The following TLN2 variants were observed in gnomAD, a reference collection of about 807,000 sequenced individuals.
TLN2 encodes the protein talin-2.
In TLN2, 118 loss-of-function variants were observed where a neutral mutation model predicts 294.7. The ratio of observed to expected loss-of-function variants is 0.40; its 90% CI spans 0.34 to 0.47. The LOEUF is 0.47. Ranked by LOEUF, TLN2 falls within the 20% of genes least tolerant of loss-of-function variation. TLN2 has a pLI of 0.84. For synonymous variants in TLN2, 1,431 were observed against 1,304.5 expected, an observed-to-expected ratio of 1.10 and a Z score of -2.09; for missense variants, 3,083 against 3,282.2, an observed-to-expected ratio of 0.94 and a Z score of 1.48.
chr15:62,725,179 G>A, intron 27 of TLN2, 75 bp downstream of exon 27: 3 of 1,512,046 alleles, frequency 2.0e-6, no homozygotes, highest in Non-Finnish European at 2.7e-6. Flanking sequence ...TTGTTAGGGT[G>A]TTTGCTAAAG....
chr15:62,477,450 A>G (rs946699440), intron 1 of TLN2, among the ~76,000 whole-genome samples: 7 of 152,000 alleles, frequency 4.6e-5, no homozygotes, highest in African/African-American at 1.7e-4. Context: ...GCTGCAGGAG[A>G]CTGAGTGGTC....
intron 52 of TLN2, among the ~76,000 whole-genome samples, chr15:62,813,155 C>T (rs1236837199): frequency 1.3e-5 from 2 of 152,332 alleles, no homozygotes; most frequent in East Asian, 3.9e-4. Flanking sequence ...ACGTGCTTCT[C>T]TGGTGACCAT....
chr15:62,462,777 C>T (rs189734171), intron 1 of TLN2, among the ~76,000 whole-genome samples: 151 of 152,294 alleles, frequency 9.9e-4, no homozygotes, highest in Non-Finnish European at 1.8e-3. Flanking sequence ...GGGAATGAGA[C>T]CCACATGCAG....
chr15:62,652,274 G>T, intron 6 of TLN2, 140 bp downstream of exon 6: 1 of 898,030 alleles, frequency 1.1e-6, no homozygotes, highest in South Asian at 4.9e-5. Flanking sequence ...CCCAGAGGGT[G>T]TGTCCATTCT....
rs1327929586 is a variant in TLN2 at position 62,716,953 on chromosome 15, TA to T, written c.2763+499del. Reference sequence around the variant, plus strand: ...GCAAAAACTATGTTTTTTTTTTTTTTAAAAAGTTTGTCTGACAAATGCACAC... The same window carrying T: ...GCAAAAACTATGTTTTTTTTTTTTTTAAAAGTTTGTCTGACAAATGCACAC... On this transcript the variant is annotated intron_variant, in intron 23 of 58. Coordinates refer to ENST00000636159, the MANE Select transcript of TLN2 (RefSeq NM_015059.3). Among the ~76,000 whole-genome samples, 72 of 124,424 alleles carry T rather than the reference TA, an allele frequency of 5.8e-4. 1 individual carries two copies. The highest frequency in any genetic ancestry group is 2.6e-3 in the East Asian group (10 of 3,826). The allele number at this position is 124,424 out of a possible 152,430, so 81.6% of individuals were successfully genotyped here. A position where few individuals can be genotyped will look rare whatever the true frequency, so the allele number is the denominator to read the frequency against.
At chr15:62,700,911 G>T (rs2058677693) in intron 16 of TLN2, among the ~76,000 whole-genome samples, 195 bp from the exon 17 acceptor site, 1 of 152,194 alleles carries the variant, frequency 6.6e-6, no homozygotes, top group African/African-American at 2.4e-5. Context: ...GGGAGAATTT[G>T]CACGCCATTG....
At chr15:62,577,234 G>A (rs1320444184) in intron 1 of TLN2, among the ~76,000 whole-genome samples, 2 of 152,064 alleles carry the variant, frequency 1.3e-5, no homozygotes, top group African/African-American at 4.8e-5. Context: ...ACCTGAGGTC[G>A]GGCATTCGAG....
chr15:62,424,681 C>A (rs2034600743), intron 1 of TLN2, among the ~76,000 whole-genome samples: 1 of 152,080 alleles, frequency 6.6e-6, no homozygotes, highest in African/African-American at 2.4e-5. Flanking sequence ...GAGATAGAGT[C>A]TTTCTCTGTC....
At position 62,702,281 on chromosome 15, in the gene TLN2, C is replaced by T. The variant is rs114168296; in HGVS notation, c.1905+81C>T. 5.5e-3 allele frequency: 7,952 copies of T among 1,433,308 alleles called. 73 individuals carry two copies. Among genetic ancestry groups the T allele is most frequent in the African/African-American group, 0.041 (2,895 of 70,658 alleles). The allele number at this position is 1,433,308 out of a possible 1,614,324, so 88.8% of individuals were successfully genotyped here. The stretch of plus-strand genomic sequence containing the variant: ...GGGGGACCATGGGGCTCTTGCTTCC[C>T]GAGCTGTTCCTTGCGTCTTGATGGG... On this transcript the variant is annotated intron_variant, in intron 18 of 58. Coordinates refer to ENST00000636159, the MANE Select transcript of TLN2 (RefSeq NM_015059.3).
In TLN2 at chr15:62,504,818, G is replaced by GGTGTGTGTGTGTGTGT. The variant is rs377405417; in HGVS notation, c.-237-84855_-237-84840dup. Among the ~76,000 whole-genome samples the GGTGTGTGTGTGTGTGT allele has an allele frequency of 3.6e-4, 51 of 143,618 alleles. No homozygotes were observed. The East Asian group carries it at 3.6e-3, about 10-fold the overall frequency. 94.2% of individuals were successfully genotyped at this position (143,618 alleles called of 152,430 possible). A position where few individuals can be genotyped will look rare whatever the true frequency, so the allele number is the denominator to read the frequency against. ...AAGGGTAACAGAAAGTAGTTGGTGG[G>GGTGTGTGTGTGTGTGT]GTGTGTGTGTGTGTGTGTGTGTGTG... On this transcript the variant is annotated intron_variant, in intron 1 of 58. Transcript: ENST00000636159.
chr15:62,702,802 G>A lies in TLN2; in HGVS notation c.1942G>A (p.Gly648Arg). 1 of 1,614,164 alleles carries A rather than the reference G, an allele frequency of 6.2e-7. No homozygotes were observed. The highest frequency in any genetic ancestry group is 8.5e-7 in the Non-Finnish European group (1 of 1,180,018). Reference sequence around the variant, plus strand: ...AGTTTTGACTGCTGCTGGCAGCATCGGACAAGCCAGTGGGGATCTTCTGAG... The same window carrying A: ...AGTTTTGACTGCTGCTGGCAGCATCAGACAAGCCAGTGGGGATCTTCTGAG... ...QTVLTAAGSIGQASGDLLRQI... is the reference protein window; with the variant it reads ...QTVLTAAGSIRQASGDLLRQI... Residue 648 changes from glycine to arginine, a missense_variant, in exon 19 of 59, where the codon GGA (glycine) becomes AGA (arginine). Physicochemically the swap from Gly to Arg is moderately radical, Grantham distance 125 (BLOSUM62 -2). Coordinates refer to ENST00000636159, the MANE Select transcript of TLN2 (RefSeq NM_015059.3).
chr15:62,667,571 C>G (rs888142066), intron 9 of TLN2, among the ~76,000 whole-genome samples: 2 of 152,170 alleles, frequency 1.3e-5, no homozygotes, highest in African/African-American at 4.8e-5. Context: ...GTTTTCAATT[C>G]GTATGAGCGA....
intron 1 of TLN2, among the ~76,000 whole-genome samples, chr15:62,545,514 TTGTGTGTGTGTGTGTGTG>T (rs56777565): frequency 0.015 from 2,161 of 146,028 alleles, 58 homozygotes; most frequent in African/African-American, 0.051. Flanking sequence ...TTCTTTCTCT[TTGTGTGTGTGTGTGTGTG>T]TGTGTGTGTG....
At chr15:62,756,302 G>A (rs1298932482) in intron 37 of TLN2, among the ~76,000 whole-genome samples, 4 of 152,246 alleles carry the variant, frequency 2.6e-5, no homozygotes, top group Middle Eastern at 3.4e-3. Flanking sequence ...GGCATGTGGC[G>A]GGTGGGCAGG....
intron 41 of TLN2, among the ~76,000 whole-genome samples, chr15:62,766,695 T>A (rs1301007318): frequency 6.6e-6 from 1 of 152,192 alleles, no homozygotes; most frequent in East Asian, 1.9e-4. Context: ...GCATTTACAG[T>A]CATCCGTTGC....
At chr15:62,821,473 T>G (rs1182027839) in intron 54 of TLN2, among the ~76,000 whole-genome samples, 2 of 152,196 alleles carry the variant, frequency 1.3e-5, no homozygotes, top group Non-Finnish European at 2.9e-5. Flanking sequence ...CCTAAAAATT[T>G]ACCTATTTTT....
At chr15:62,702,641 C>G (rs2058786527) in intron 18 of TLN2, 125 bp from the exon 19 acceptor site, 1 of 885,156 alleles carries the variant, frequency 1.1e-6, no homozygotes, top group Non-Finnish European at 1.8e-6. Context: ...GGCAGACCAC[C>G]TGAGATTCTC....
intron 47 of TLN2, 28 bp downstream of exon 47, chr15:62,796,321 G>A (rs777840193): frequency 1.1e-5 from 17 of 1,595,302 alleles, no homozygotes; most frequent in Admixed American, 6.9e-5. Context: ...ACGGGGAGAG[G>A]TTCAGGCTGG....
rs113251566 is a variant in TLN2, at chr15:62,655,851, C to T, written c.518-93C>T. On this transcript the variant is annotated intron_variant, in intron 7 of 58. Coordinates refer to ENST00000636159, the MANE Select transcript of TLN2 (RefSeq NM_015059.3). ...CTACTATAACTAAGTATCAGAGATA[C>T]AGAAATCTGCATCACACTGCTCTTT... 4.4e-4 allele frequency: 614 copies of T among 1,390,926 alleles called. No homozygotes were observed. The African/African-American group carries it at 7.6e-3, about 17-fold the overall frequency. 86.2% of individuals were successfully genotyped at this position (1,390,926 alleles called of 1,614,324 possible). A position where few individuals can be genotyped will look rare whatever the true frequency, so the allele number is the denominator to read the frequency against.
Sources: gnomAD v4.1 joint callset for allele counts (sites outside exome capture counted in the v4.1 genomes callset) on GRCh38, gnomAD v4.1.1 for gene constraint, MANE v1.5 for transcripts, NCBI Gene and HGNC (gene_info 2026-07-23, HGNC 2026-07-21) for gene names.